Variants in RPN2 observed in about 807,000 individuals in gnomAD.
RPN2 encodes the protein ribophorin II, also known as dolichyl-diphosphooligosaccharide--protein glycosyltransferase subunit 2.
Under a neutral mutation model 71.4 loss-of-function variants are expected in RPN2, and 29 were observed. That is an observed-to-expected ratio of 0.41 (90% CI 0.30 to 0.55). The LOEUF is 0.55. RPN2 is among the 20% of genes least tolerant of loss of function. The probability of loss-of-function intolerance (pLI) is 0.35; values close to 1 mark genes in which losing one functional copy is unlikely to be tolerated. For missense variants in RPN2, 726 were observed against 774.1 expected (o/e 0.94, Z 0.74); for synonymous variants, 308 against 305.0 (o/e 1.01, Z -0.10).
At position 37,213,735 on chromosome 20, in the gene RPN2, C is replaced by T. The variant is rs1249842919; in HGVS notation, c.987-25C>T. 1.9e-6 allele frequency: 3 copies of T among 1,553,474 alleles called. No homozygotes were observed. In the Admixed American group the frequency reaches 5.0e-5, roughly 26 times the overall value. On this transcript the variant is annotated intron_variant, in intron 8 of 16. Coordinates refer to ENST00000237530, the MANE Select transcript of RPN2 (RefSeq NM_002951.5). ...CATGACTTTCCTACCTGAGTTCTTG[C>T]TAAGCCCATTGTCATTCTTAACAGG...
intron 9 of RPN2, among the ~76,000 whole-genome samples, chr20:37,216,093 C>A (rs1473295273): frequency 6.6e-6 from 1 of 152,154 alleles, no homozygotes; most frequent in Non-Finnish European, 1.5e-5. Flanking sequence ...AATCCCAGCA[C>A]TTTGGGAGGC....
intron 9 of RPN2, among the ~76,000 whole-genome samples, chr20:37,218,545 T>A (rs1205529924): frequency 2.0e-5 from 3 of 147,632 alleles, no homozygotes; most frequent in African/African-American, 5.0e-5. Context: ...CCGTCTCTGC[T>A]AAAAAAAAAA....
intron 1 of RPN2, 197 bp downstream of exon 1, chr20:37,179,566 G>A: frequency 7.4e-7 from 1 of 1,352,878 alleles, no homozygotes; most frequent in Non-Finnish European, 9.6e-7. Flanking sequence ...ACCTGGCGGG[G>A]TTGGTGCCTG....
intron 5 of RPN2, 77 bp from the exon 6 acceptor site, chr20:37,204,690 G>T: frequency 6.7e-7 from 1 of 1,488,192 alleles, no homozygotes. Flanking sequence ...GCTGTCTGCA[G>T]TGGGGTTGAC....
In RPN2 at chr20:37,207,444, T is replaced by C; in HGVS notation, c.862T>C (p.Leu288=). ...SASDTHEQAI[L]RLQVTNVLSQ... ...TTCCGACACTCATGAACAGGCTATC[T>C]TGCGGGTAAGACATCCATGCCCAAA... The change falls in exon 7 of 17, where the codon TTG becomes CTG. Residue 288 remains leucine (L), a synonymous_variant. Transcript: ENST00000237530. 2 of 1,614,140 alleles carry C rather than the reference T, an allele frequency of 1.2e-6. No individual in the cohort carries two copies. The highest frequency in any genetic ancestry group is 1.1e-5 in the South Asian group (1 of 91,086).
chr20:37,210,157 C>T lies in RPN2; in HGVS notation c.978C>T (p.Thr326=), dbSNP rs1218561016. The change falls in exon 8 of 17, where the codon ACC becomes ACT. Residue 326 remains threonine, a synonymous_variant. Transcript: ENST00000237530. ...RATVLQKTSF[T]PVGDVFELNF... is the part of the protein sequence containing the mutation. ...CTGTCCTCCAGAAGACATCCTTCAC[C>T]CCTGTAGGGTAAGTCCTGATCATAT... 1.9e-6 allele frequency: 3 copies of T among 1,613,866 alleles called. No individual in the cohort carries two copies. Among genetic ancestry groups the T allele is most frequent in the Admixed American group, 1.7e-5 (1 of 60,012 alleles).
chr20:37,232,611 A>G (rs2068283188), intron 14 of RPN2, among the ~76,000 whole-genome samples: 1 of 152,190 alleles, frequency 6.6e-6, no homozygotes, highest in Non-Finnish European at 1.5e-5. Flanking sequence ...GGCATGAGAA[A>G]GTACCTAACA....
chr20:37,224,006 G>A (rs6104133), intron 10 of RPN2, 37 bp downstream of exon 10: 1 of 1,566,398 alleles, frequency 6.4e-7, no homozygotes, highest in South Asian at 1.1e-5. Context: ...AGGGAGCTGA[G>A]GCTCAAGAGC....
intron 6 of RPN2, 63 bp downstream of exon 6, chr20:37,204,964 A>G: frequency 6.2e-7 from 1 of 1,610,748 alleles, no homozygotes. Flanking sequence ...TCTGCTAAGG[A>G]TGGCTTTTAT....
chr20:37,221,991 G>A (rs2067970052), intron 9 of RPN2, among the ~76,000 whole-genome samples: 1 of 152,240 alleles, frequency 6.6e-6, no homozygotes, highest in African/African-American at 2.4e-5. Context: ...TTCCCTGAAT[G>A]GGGAAAGTGC....
At chr20:37,217,674 C>T (rs578014577) in intron 9 of RPN2, among the ~76,000 whole-genome samples, 5 of 152,096 alleles carry the variant, frequency 3.3e-5, no homozygotes, top group African/African-American at 1.2e-4. Flanking sequence ...GATGTTTTTC[C>T]ACATTGCAGG....
chr20:37,220,338 G>A (rs1001755482), intron 9 of RPN2, among the ~76,000 whole-genome samples: 7 of 152,114 alleles, frequency 4.6e-5, no homozygotes, highest in African/African-American at 1.7e-4. Context: ...AGAAATGCTC[G>A]ACATTGGTCA....
chr20:37,183,425 C>A (rs1216905035), intron 1 of RPN2, among the ~76,000 whole-genome samples: 2 of 152,138 alleles, frequency 1.3e-5, no homozygotes, highest in African/African-American at 4.8e-5. Context: ...ACCATGTTGG[C>A]CAGGCTGGCC....
At chr20:37,207,658 T>A (rs994791658) in intron 7 of RPN2, among the ~76,000 whole-genome samples, 3 of 152,194 alleles carry the variant, frequency 2.0e-5, no homozygotes, top group Middle Eastern at 3.4e-3. Context: ...ATTAAAAAAA[T>A]TTTTTTCCCC....
intron 2 of RPN2, among the ~76,000 whole-genome samples, chr20:37,189,483 T>C (rs1378953828): frequency 6.6e-6 from 1 of 152,192 alleles, no homozygotes; most frequent in African/African-American, 2.4e-5. Context: ...AGAAAAAGTT[T>C]GCTAATCGCA....
chr20:37,189,311 CTGTGTGTGTGTA>C (rs1162402631), intron 2 of RPN2, among the ~76,000 whole-genome samples: 7,816 of 115,188 alleles, frequency 0.068, 228 homozygotes, highest in Non-Finnish European at 0.081. Context: ...ATGGGCCAAA[CTGTGTGTGTGTA>C]TGTGTGTGTG....
At chr20:37,189,311 CTGTGTGTGTG>C (rs748314418) in intron 2 of RPN2, among the ~76,000 whole-genome samples, 2 of 115,186 alleles carry the variant, frequency 1.7e-5, no homozygotes, top group African/African-American at 6.9e-5. Context: ...ATGGGCCAAA[CTGTGTGTGTG>C]TATGTGTGTG....
At chr20:37,202,703 T>C (rs1261441017) in intron 4 of RPN2, among the ~76,000 whole-genome samples, 2 of 152,180 alleles carry the variant, frequency 1.3e-5, no homozygotes, top group East Asian at 1.9e-4. Flanking sequence ...GATAAAAATA[T>C]ATGAATAAGC....
chr20:37,228,012 G>A (rs1382997331), intron 11 of RPN2, among the ~76,000 whole-genome samples: 1 of 152,198 alleles, frequency 6.6e-6, no homozygotes, highest in Non-Finnish European at 1.5e-5. Context: ...CTAATAAGTA[G>A]TGGAAGCAAA....
Sources: allele counts gnomAD v4.1 joint callset (sites outside exome capture counted in the v4.1 genomes callset), GRCh38; gene constraint gnomAD v4.1.1; transcripts MANE v1.5; gene names NCBI Gene and HGNC (gene_info 2026-07-23, HGNC 2026-07-21).